The following PPFIA4 variants were observed in gnomAD, a reference collection of about 807,000 sequenced individuals.
PPFIA4 encodes the protein PPFI scaffold protein A4.
In PPFIA4, 98 loss-of-function variants were observed where a neutral mutation model predicts 145.7. The ratio of observed to expected loss-of-function variants is 0.67; its 90% CI spans 0.57 to 0.80. The LOEUF (loss-of-function observed/expected upper bound fraction) is 0.80. PPFIA4 is among the 30% of genes least tolerant of loss of function. The pLI is 0.00. For missense variants in PPFIA4, 1,457 were observed against 1,632.7 expected (o/e 0.89, Z 1.85); for synonymous variants, 628 against 649.6 (o/e 0.97, Z 0.51).
rs570280347 is a variant in PPFIA4, at chr1:203,056,486, C to G, written c.2218C>G (p.Leu740Val). The G allele has an allele frequency of 9.9e-6, 16 of 1,613,912 alleles. No homozygotes were observed. In the Admixed American group the frequency reaches 1.2e-4, roughly 12 times the overall value. ...LRLEKLGHPA[L>V]SQEEGKSALE... The stretch of plus-strand genomic sequence containing the variant: ...GCTAGAGAAGCTTGGCCACCCAGCC[C>G]TGAGCCAGGAAGAAGGCAAGAGGTA... The change falls in exon 18 of 30, where the codon CTG becomes GTG. Residue 740 changes from leucine (L) to valine (V), a missense_variant. Physicochemically the swap from Leu to Val is conservative, Grantham distance 32 (BLOSUM62 1). Around this residue, in one of 3 missense-constraint regions of PPFIA4, gnomAD observed 848 missense variants for 1,046.7 expected, o/e 0.81. Transcript: ENST00000295706.
At chr1:203,071,424 G>A (rs1662151473) in intron 27 of PPFIA4, among the ~76,000 whole-genome samples, 1 of 151,726 alleles carries the variant, frequency 6.6e-6, no homozygotes. Context: ...ACCCGCCTCG[G>A]CCTCCCAAAG....
chr1:203,068,655 TGA>T lies in PPFIA4; in HGVS notation c.3324+29_3324+30del, dbSNP rs1188376502. ...TGGGCAGCCTTTTAATCAGTCAACT[TGA>T]GTCTCTCCCTGTATCCCTCACTTGC... is the stretch of plus-strand genomic sequence containing the variant. On this transcript the variant is annotated intron_variant, in intron 27 of 29. Coordinates refer to ENST00000295706, the MANE Select transcript of PPFIA4 (RefSeq NM_001304331.2). The surrounding 1 kb of genome is among the most constrained non-coding windows in gnomAD (Gnocchi z 4.7). 2.0e-6 allele frequency: 3 copies of T among 1,465,344 alleles called. No individual in the cohort carries two copies. Among genetic ancestry groups the T allele is most frequent in the Non-Finnish European group, 2.7e-6 (3 of 1,108,154 alleles). The allele number at this position is 1,465,344 out of a possible 1,614,324, so 90.8% of individuals were successfully genotyped here.
At chr1:203,056,564 T>C in intron 18 of PPFIA4, 56 bp downstream of exon 18, 1 of 1,582,478 alleles carries the variant, frequency 6.3e-7, no homozygotes, top group East Asian at 2.3e-5. Flanking sequence ...CTCTCCTCCC[T>C]TCCTCTGCCT....
intron 1 of PPFIA4, chr1:203,035,689 G>A: frequency 2.2e-6 from 1 of 456,628 alleles, no homozygotes. Flanking sequence ...CTTCTGTTAG[G>A]CTGAGATGAT....
chr1:203,058,227 G>A (rs929900254), intron 19 of PPFIA4, among the ~76,000 whole-genome samples: 2 of 152,110 alleles, frequency 1.3e-5, no homozygotes, highest in Non-Finnish European at 2.9e-5. Context: ...GAGAGCACGC[G>A]AGGAGGAGGT....
chr1:203,061,544 C>A (rs1266688813), intron 23 of PPFIA4, 108 bp from the exon 24 acceptor site: 99 of 1,153,212 alleles, frequency 8.6e-5, no homozygotes, highest in Non-Finnish European at 1.2e-4. Context: ...AGTCACCCAG[C>A]CAGATACTGG....
In PPFIA4 at chr1:203,076,350, A is replaced by G. The variant is rs763079124; in HGVS notation, c.3584A>G (p.His1195Arg). ...TCTCTCTCTCCCTCAGCTCACTCCCACTATCTCTACGGACACATGCTCTCC... is the reference window on the plus strand; with the variant it reads ...TCTCTCTCTCCCTCAGCTCACTCCCGCTATCTCTACGGACACATGCTCTCC... ...PKKIMPEAHS[H>R]YLYGHMLSAF... Residue 1195 changes from histidine to arginine, a missense_variant, in exon 30 of 30, where the codon CAC becomes CGC. His to Arg is a conservative substitution (Grantham distance 29). Around this residue, in one of 3 missense-constraint regions of PPFIA4, gnomAD observed 146 missense variants for 126.2 expected, o/e 1.16. Coordinates refer to ENST00000295706, the MANE Select transcript of PPFIA4 (RefSeq NM_001304331.2). The G allele has an allele frequency of 1.4e-5, 22 of 1,606,132 alleles. No homozygotes were observed. In the South Asian group the frequency reaches 2.2e-4, roughly 16 times the overall value.
intron 9 of PPFIA4, among the ~76,000 whole-genome samples, chr1:203,046,987 C>T (rs1371697190): frequency 6.6e-6 from 1 of 152,150 alleles, no homozygotes; most frequent in African/African-American, 2.4e-5. Context: ...ATAATAGGTT[C>T]TGGAAGAGCC....
At chr1:203,044,523 C>T (rs1659927847) in intron 5 of PPFIA4, 70 bp downstream of exon 5, 2 of 1,486,016 alleles carry the variant, frequency 1.3e-6, no homozygotes, top group Non-Finnish European at 1.8e-6. Flanking sequence ...GTGCCCTACT[C>T]TGTTTCTTGT....
In PPFIA4 at chr1:203,038,760, C is replaced by G; in HGVS notation, c.-249C>G. Reference sequence around the variant, plus strand: ...CGGCTGCTGTCTGCATGTCTGGGGACACAGGGCACCCAGCCCCAGCCCTGA... The same window carrying G: ...CGGCTGCTGTCTGCATGTCTGGGGAGACAGGGCACCCAGCCCCAGCCCTGA... On this transcript the variant is annotated 5_prime_UTR_variant, in exon 2 of 30. Coordinates refer to ENST00000295706, the MANE Select transcript of PPFIA4 (RefSeq NM_001304331.2). The G allele has an allele frequency of 2.8e-6, 1 of 353,856 alleles. No individual in the cohort carries two copies. The highest frequency in any genetic ancestry group is 5.1e-6 in the Non-Finnish European group (1 of 194,362). 21.9% of individuals were successfully genotyped at this position (353,856 alleles called of 1,614,324 possible). A position where few individuals can be genotyped will look rare whatever the true frequency, so the allele number is the denominator to read the frequency against.
intron 1 of PPFIA4, chr1:203,034,474 G>T (rs530609962): frequency 5.0e-5 from 23 of 456,496 alleles, no homozygotes; most frequent in Non-Finnish European, 8.8e-5. Context: ...GCAGGCCCAC[G>T]TTGGGGAGAA....
chr1:203,044,373 G>T lies in PPFIA4; in HGVS notation c.502-6G>T. The T allele has an allele frequency of 1.9e-6, 3 of 1,550,864 alleles. No individual in the cohort carries two copies. Among genetic ancestry groups the T allele is most frequent in the Non-Finnish European group, 2.6e-6 (3 of 1,147,122 alleles). ...TTCTTCCTCCATCTCCCCTTACCTC[G>T]AGCAGGTGCGAGAGCGGCTCCGGGC... On this transcript the variant is annotated splice_region_variant and splice_polypyrimidine_tract_variant and intron_variant, in intron 4 of 29. Coordinates refer to ENST00000295706, the MANE Select transcript of PPFIA4 (RefSeq NM_001304331.2).
In PPFIA4 at chr1:203,048,914, C is replaced by G. The variant is rs746212113; in HGVS notation, c.1357-4C>G. ...GGGCCTGGCTCACAGCTGCTCTCCC[C>G]CAGAACACGTTGATCCAGGAGTTGG... On this transcript the variant is annotated splice_region_variant and splice_polypyrimidine_tract_variant and intron_variant, in intron 11 of 29. Coordinates refer to ENST00000295706, the MANE Select transcript of PPFIA4 (RefSeq NM_001304331.2). This position sits in a 1 kb window ranked among gnomAD's most constrained non-coding sequence, Gnocchi z 5.8. 31 of 1,548,236 alleles carry G rather than the reference C, an allele frequency of 2.0e-5. No homozygotes were observed. In the East Asian group the frequency reaches 6.1e-4, roughly 31 times the overall value.
intron 19 of PPFIA4, 127 bp downstream of exon 19, chr1:203,057,077 C>A: frequency 6.6e-7 from 1 of 1,503,908 alleles, no homozygotes. Context: ...AGGCAGGTTA[C>A]CTCAGATCTG....
chr1:203,059,759 C>T lies in PPFIA4; in HGVS notation c.2502-11C>T, dbSNP rs778194630. 6.2e-7 allele frequency: 1 copy of T among 1,611,440 alleles called. No individual in the cohort carries two copies. On this transcript the variant is annotated splice_polypyrimidine_tract_variant and intron_variant, in intron 20 of 29. Transcript: ENST00000295706. ...AAGAACTAGTGAGTCTGTTGTTCCT[C>T]TTCCTATAAGACACCAGCTGCTTGA...
intron 27 of PPFIA4, among the ~76,000 whole-genome samples, chr1:203,071,452 A>T (rs1662156346): frequency 1.4e-5 from 1 of 70,792 alleles, no homozygotes; most frequent in East Asian, 3.5e-4. Flanking sequence ...CCACTACTTT[A>T]AAAAAAAAAA....
chr1:203,039,086 C>G lies in PPFIA4; in HGVS notation c.78C>G (p.Phe26Leu). The G allele has an allele frequency of 6.2e-7, 1 of 1,606,588 alleles. No individual in the cohort carries two copies. Among genetic ancestry groups the G allele is most frequent in the Non-Finnish European group, 8.5e-7 (1 of 1,176,994 alleles). The change falls in exon 2 of 30, where the codon TTC becomes TTG. Residue 26 changes from phenylalanine to leucine, a missense_variant. Phe to Leu is a conservative substitution (Grantham distance 22). Coordinates refer to ENST00000295706, the MANE Select transcript of PPFIA4 (RefSeq NM_001304331.2). ...PPHGADADAN[F>L]EQLMVNMLDE... Reference sequence around the variant, plus strand: ...ATGGCGCCGATGCTGACGCCAACTTCGAGCAGCTGATGGTGAACATGCTGG... The same window carrying G: ...ATGGCGCCGATGCTGACGCCAACTTGGAGCAGCTGATGGTGAACATGCTGG...
chr1:203,039,202 G>A lies in PPFIA4; in HGVS notation c.194G>A (p.Arg65Gln), dbSNP rs1458976823. 8.1e-6 allele frequency: 13 copies of A among 1,605,152 alleles called. No homozygotes were observed. Among genetic ancestry groups the A allele is most frequent in the African/African-American group, 1.3e-5 (1 of 74,670 alleles). The part of the protein sequence containing the change: ...QSRLQDAIHE[R>Q]DQLQRHLNSA... ...CGGCTCCAGGATGCCATACACGAGC[G>A]GGACCAGCTCCAGCGCCACCTTAAC... is the stretch of plus-strand genomic sequence containing the variant. The change falls in exon 2 of 30, where the codon CGG becomes CAG. Residue 65 changes from arginine to glutamine, a missense_variant. Around this residue, in one of 3 missense-constraint regions of PPFIA4, gnomAD observed 463 missense variants for 459.8 expected, o/e 1.01. Transcript: ENST00000295706.
At chr1:203,028,519 A>G (rs1658582596) in intron 1 of PPFIA4, among the ~76,000 whole-genome samples, 1 of 152,078 alleles carries the variant, frequency 6.6e-6, no homozygotes, top group African/African-American at 2.4e-5. Flanking sequence ...GTTTTAAGAT[A>G]TGGGCAGCTA....
Sources: allele counts gnomAD v4.1 joint callset (sites outside exome capture counted in the v4.1 genomes callset), GRCh38; gene constraint gnomAD v4.1.1; regional missense constraint gnomAD v4.1.1; non-coding constraint Gnocchi (gnomAD v3.1); transcripts MANE v1.5; gene names NCBI Gene and HGNC (gene_info 2026-07-23, HGNC 2026-07-21).